The following PAN3 variants were observed in gnomAD, a reference collection of about 807,000 sequenced individuals.
The protein encoded by PAN3 is PAN2-PAN3 deadenylation complex subunit PAN3.
In PAN3, 19 loss-of-function variants were observed where a neutral mutation model predicts 96.2. The ratio of observed to expected loss-of-function variants is 0.20; its 90% CI spans 0.14 to 0.29. The LOEUF (loss-of-function observed/expected upper bound fraction) is 0.29. PAN3 is among the 10% of genes least tolerant of loss of function. The pLI is 1.00. For synonymous variants in PAN3, 433 were observed against 406.6 expected, an observed-to-expected ratio of 1.06 and a Z score of -0.78; for missense variants, 882 against 1,108.1, an observed-to-expected ratio of 0.80 and a Z score of 2.90.
At chr13:28,219,802 T>C (rs1186049379) in intron 5 of PAN3, among the ~76,000 whole-genome samples, 1 of 152,246 alleles carries the variant, frequency 6.6e-6, no homozygotes, top group African/African-American at 2.4e-5. Context: ...GGGAAATGTT[T>C]GAAGTACCTA....
intron 14 of PAN3, among the ~76,000 whole-genome samples, chr13:28,276,540 G>A (rs1887074363): frequency 1.3e-5 from 2 of 152,290 alleles, no homozygotes; most frequent in South Asian, 2.1e-4. Flanking sequence ...CCTCAGAATG[G>A]TAAATCTTGA....
At chr13:28,268,214 G>A (rs188139038) in intron 12 of PAN3, among the ~76,000 whole-genome samples, 4 of 151,766 alleles carry the variant, frequency 2.6e-5, no homozygotes, top group African/African-American at 9.7e-5. Flanking sequence ...GTCTCCTTTT[G>A]CATTGTTTTT....
In PAN3 at chr13:28,281,341, G is replaced by T. The variant is rs754307581; in HGVS notation, c.2346G>T (p.Arg782Ser). 1 of 1,611,560 alleles carries T rather than the reference G, an allele frequency of 6.2e-7. No homozygotes were observed. Among genetic ancestry groups the T allele is most frequent in the Admixed American group, 1.7e-5 (1 of 60,002 alleles). Residue 782 changes from arginine (R) to serine (S), a missense_variant, in exon 17 of 19, where the codon AGG becomes AGT. This residue lies in a region of PAN3 where 76 missense variants were observed against 171.7 expected (regional missense o/e 0.44). Transcript: ENST00000380958. The part of the protein sequence containing the change: ...AKEVQNGRLF[R>S]LLAKLGTINE... Reference sequence around the variant, plus strand: ...AGGTTCAAAATGGAAGACTGTTTAGGCTCCTAGCAAAATTGGGAACAATCA... The same window carrying T: ...AGGTTCAAAATGGAAGACTGTTTAGTCTCCTAGCAAAATTGGGAACAATCA...
chr13:28,289,939 A>G (rs1869535286), intron 18 of PAN3, among the ~76,000 whole-genome samples: 1 of 152,118 alleles, frequency 6.6e-6, no homozygotes, highest in Admixed American at 6.6e-5. Flanking sequence ...AAGAAAGAAG[A>G]CAGTTCCCTT....
chr13:28,162,421 A>G (rs1055454010), intron 1 of PAN3, among the ~76,000 whole-genome samples: 1 of 152,142 alleles, frequency 6.6e-6, no homozygotes, highest in Non-Finnish European at 1.5e-5. Context: ...GCCGTGGCTC[A>G]TGCCTGTAAT....
intron 1 of PAN3, among the ~76,000 whole-genome samples, chr13:28,143,356 A>G (rs1277394209): frequency 1.3e-5 from 2 of 152,228 alleles, no homozygotes; most frequent in East Asian, 3.8e-4. Context: ...TTAATGATGT[A>G]ATTCTAATAT....
At chr13:28,274,749 A>G (rs1350844488) in intron 14 of PAN3, among the ~76,000 whole-genome samples, 2 of 152,176 alleles carry the variant, frequency 1.3e-5, no homozygotes, top group Non-Finnish European at 2.9e-5. Flanking sequence ...TAAAGGATAT[A>G]TATCAGGCTT....
chr13:28,219,047 A>G (rs1038354041), intron 5 of PAN3, among the ~76,000 whole-genome samples: 1 of 152,210 alleles, frequency 6.6e-6, no homozygotes, highest in Non-Finnish European at 1.5e-5. Context: ...AGTAAAATGC[A>G]GTGGCTGGTT....
intron 6 of PAN3, among the ~76,000 whole-genome samples, chr13:28,224,530 G>C (rs189472938): frequency 2.0e-5 from 3 of 152,254 alleles, no homozygotes; most frequent in Admixed American, 2.0e-4. Context: ...GAGAAAATGA[G>C]TCACAGTGAT....
In PAN3 at chr13:28,194,450, GTA is replaced by G. The variant is rs1372227182; in HGVS notation, c.691-2719_691-2718del. On this transcript the variant is annotated intron_variant, in intron 4 of 18. Coordinates refer to ENST00000380958, the MANE Select transcript of PAN3 (RefSeq NM_175854.8). ...TGTGTATATATACATATATATGTAT[GTA>G]TATATATATATATATTTTTTTTTTT... is the stretch of plus-strand genomic sequence containing the variant. 7.4e-4 allele frequency among the ~76,000 whole-genome samples: 74 copies of G among 100,058 alleles called. 1 individual carries two copies. Among genetic ancestry groups the G allele is most frequent in the Middle Eastern group, 5.0e-3 (1 of 200 alleles). 65.6% of individuals were successfully genotyped at this position (100,058 alleles called of 152,430 possible). A position where few individuals can be genotyped will look rare whatever the true frequency, so the allele number is the denominator to read the frequency against.
intron 13 of PAN3, 151 bp downstream of exon 13, chr13:28,271,017 G>GAAA: frequency 1.5e-6 from 1 of 668,634 alleles, no homozygotes; most frequent in Non-Finnish European, 2.2e-6. Flanking sequence ...GCTTTTTAAA[G>GAAA]AAAAAAAAAA....
rs111547470 is a variant in PAN3, at chr13:28,219,033, C to T, written c.853-1198C>T. On this transcript the variant is annotated intron_variant, in intron 5 of 18. Coordinates refer to ENST00000380958, the MANE Select transcript of PAN3 (RefSeq NM_175854.8). ...TTCCCTTATAACTAGGAAGGTACTA[C>T]GTTAGTAAAATGCAGTGGCTGGTTT... is the stretch of plus-strand genomic sequence containing the variant. Among the ~76,000 whole-genome samples, 545 of 152,184 alleles carry T rather than the reference C, an allele frequency of 3.6e-3. 4 individuals are homozygous for T. Among genetic ancestry groups the T allele is most frequent in the Middle Eastern group, 0.01 (3 of 294 alleles).
chr13:28,189,256 G>A (rs1234212504), intron 4 of PAN3, among the ~76,000 whole-genome samples: 9 of 152,078 alleles, frequency 5.9e-5, no homozygotes, highest in Non-Finnish European at 2.9e-5. Context: ...GGTGGCTCAC[G>A]CCTGTAATCC....
intron 4 of PAN3, among the ~76,000 whole-genome samples, chr13:28,181,595 C>T (rs539224187): frequency 1.4e-5 from 2 of 146,782 alleles, no homozygotes; most frequent in South Asian, 4.5e-4. Context: ...TTGTTGTTAA[C>T]TATGTGAGAA....
chr13:28,208,884 T>A lies in PAN3; in HGVS notation c.853-11347T>A, dbSNP rs571365387. On this transcript the variant is annotated intron_variant, in intron 5 of 18. Transcript: ENST00000380958. ...TGAAAAAGGGAATGGTGTAAGTGGT[T>A]TTATGATTTAGAAATCTTGAACTTT... Among the ~76,000 whole-genome samples the A allele has an allele frequency of 2.0e-5, 3 of 152,308 alleles. No homozygotes were observed. In the East Asian group the frequency reaches 5.8e-4, roughly 29 times the overall value.
In PAN3 at chr13:28,156,215, T is replaced by C. The variant is rs558063941; in HGVS notation, c.430+17128T>C. 4.4e-4 allele frequency among the ~76,000 whole-genome samples: 67 copies of C among 151,888 alleles called. 1 individual carries two copies. Among genetic ancestry groups the C allele is most frequent in the Non-Finnish European group, 4.1e-4 (28 of 67,998 alleles). On this transcript the variant is annotated intron_variant, in intron 1 of 18. Transcript: ENST00000380958. ...AGATCCAAATAAACACAGTCAGAAA[T>C]GACAAAGGGGACATTACCACCTACC...
At chr13:28,170,118 G>A (rs1288895979) in intron 1 of PAN3, among the ~76,000 whole-genome samples, 2 of 152,084 alleles carry the variant, frequency 1.3e-5, no homozygotes, top group Non-Finnish European at 1.5e-5. Context: ...GCACTCCCTT[G>A]CCACCTACCC....
At chr13:28,211,909 G>C (rs1880080979) in intron 5 of PAN3, among the ~76,000 whole-genome samples, 1 of 152,192 alleles carries the variant, frequency 6.6e-6, no homozygotes, top group Non-Finnish European at 1.5e-5. Flanking sequence ...TAGAAAGGGG[G>C]ACATCAGGTG....
At chr13:28,197,942 T>G (rs900350886) in intron 5 of PAN3, among the ~76,000 whole-genome samples, 1 of 152,136 alleles carries the variant, frequency 6.6e-6, no homozygotes, top group Non-Finnish European at 1.5e-5. Flanking sequence ...CAATTATTTT[T>G]ACTACCCAAG....
Sources: gnomAD v4.1 joint callset for allele counts (sites outside exome capture counted in the v4.1 genomes callset) on GRCh38, gnomAD v4.1.1 for gene constraint, gnomAD v4.1.1 regional missense constraint, MANE v1.5 for transcripts, NCBI Gene and HGNC (gene_info 2026-07-23, HGNC 2026-07-21) for gene names.